Variants in CRADD observed in about 807,000 individuals in gnomAD.
The protein encoded by CRADD is death domain-containing protein CRADD.
CRADD carries 9 observed loss-of-function variants against 15.5 expected under a neutral mutation model. The observed-to-expected ratio is 0.58, with a 90% CI of 0.35 to 1.01. The LOEUF is 1.01. Ranked by LOEUF, CRADD falls within the 50% of genes least tolerant of loss-of-function variation. The probability of loss-of-function intolerance (pLI) is 0.02; values close to 1 mark genes in which losing one functional copy is unlikely to be tolerated. For synonymous variants in CRADD, 118 were observed against 107.6 expected (o/e 1.10, Z -0.60); for missense variants, 227 against 250.3 (o/e 0.91, Z 0.63).
chr12:93,810,961 A>T (rs556519605), intron 2 of CRADD, among the ~76,000 whole-genome samples: 7 of 152,230 alleles, frequency 4.6e-5, no homozygotes, highest in Non-Finnish European at 1.0e-4. Context: ...TTTGCAAGTG[A>T]CTAAGTCCCT....
chr12:93,772,831 G>A (rs928620116), intron 2 of CRADD, among the ~76,000 whole-genome samples: 1 of 152,144 alleles, frequency 6.6e-6, no homozygotes, highest in African/African-American at 2.4e-5. Context: ...TGCTGATCGT[G>A]CCCTGCACTG....
intron 2 of CRADD, among the ~76,000 whole-genome samples, chr12:93,764,220 C>A (rs762893015): frequency 7.1e-6 from 1 of 140,738 alleles, no homozygotes; most frequent in Non-Finnish European, 1.5e-5. Flanking sequence ...ATCACTCTGG[C>A]TGCTCTGTGA....
At position 93,812,869 on chromosome 12, in the gene CRADD, G is replaced by A. The variant is rs139048597; in HGVS notation, c.299-37101G>A. ...AGTTATAATGCTATCGCAATATACC[G>A]CATCTTGAGTTGATTTTGCCATATC... On this transcript the variant is annotated intron_variant, in intron 2 of 2. Coordinates refer to ENST00000332896, the MANE Select transcript of CRADD (RefSeq NM_003805.5). Among the ~76,000 whole-genome samples, 683 of 152,272 alleles carry A rather than the reference G, an allele frequency of 4.5e-3. 6 individuals are homozygous for A. The highest frequency in any genetic ancestry group is 0.015 in the African/African-American group (632 of 41,560).
At chr12:93,829,868 A>G (rs1164684115) in intron 2 of CRADD, among the ~76,000 whole-genome samples, 1 of 151,808 alleles carries the variant, frequency 6.6e-6, no homozygotes, top group Non-Finnish European at 1.5e-5. Flanking sequence ...GATTTTTTGT[A>G]TTTTAGTAGA....
At chr12:93,886,826 A>G (rs1056647514) in intron 2 of CRADD, among the ~76,000 whole-genome samples, 1 of 152,158 alleles carries the variant, frequency 6.6e-6, no homozygotes, top group Non-Finnish European at 1.5e-5. Context: ...ATAGAAAATC[A>G]TTTCAATCTG....
In CRADD at chr12:93,713,880, C is replaced by T. The variant is rs138710646; in HGVS notation, c.298+34808C>T. ...TTCATCTGGCTTTTCCTTTTTAAAACGTGGCTACTAGACAATTTAAAATTA... is the reference window on the plus strand; with the variant it reads ...TTCATCTGGCTTTTCCTTTTTAAAATGTGGCTACTAGACAATTTAAAATTA... On this transcript the variant is annotated intron_variant, in intron 2 of 2. Coordinates refer to ENST00000332896, the MANE Select transcript of CRADD (RefSeq NM_003805.5). Among the ~76,000 whole-genome samples, 843 of 152,060 alleles carry T rather than the reference C, an allele frequency of 5.5e-3. 6 individuals are homozygous for T. Among genetic ancestry groups the T allele is most frequent in the Non-Finnish European group, 7.5e-3 (511 of 67,988 alleles).
At chr12:93,720,565 A>G (rs1213715237) in intron 2 of CRADD, among the ~76,000 whole-genome samples, 1 of 152,160 alleles carries the variant, frequency 6.6e-6, no homozygotes, top group Non-Finnish European at 1.5e-5. Context: ...CAGTTCTATC[A>G]GTTTTACCTC....
intron 2 of CRADD, among the ~76,000 whole-genome samples, chr12:93,770,096 C>CTTTTTTTTT (rs34791279): frequency 7.7e-6 from 1 of 129,990 alleles, no homozygotes. Context: ...CCTATGTTAT[C>CTTTTTTTTT]TTTTTTTTTT....
chr12:93,789,765 A>G (rs1957328028), intron 2 of CRADD, among the ~76,000 whole-genome samples: 1 of 152,120 alleles, frequency 6.6e-6, no homozygotes, highest in African/African-American at 2.4e-5. Context: ...GTATACCTCA[A>G]TAAAGTAGTT....
At chr12:93,772,056 G>A (rs1957090422) in intron 2 of CRADD, among the ~76,000 whole-genome samples, 1 of 152,146 alleles carries the variant, frequency 6.6e-6, no homozygotes, top group East Asian at 1.9e-4. Flanking sequence ...AAAATATTCA[G>A]CCTAATGGCC....
At chr12:93,810,157 A>G (rs946244308) in intron 2 of CRADD, among the ~76,000 whole-genome samples, 10 of 152,216 alleles carry the variant, frequency 6.6e-5, no homozygotes, top group Non-Finnish European at 1.2e-4. Flanking sequence ...CTCTTGAAGT[A>G]GGACATTCTG....
intron 2 of CRADD, among the ~76,000 whole-genome samples, chr12:93,772,771 A>C (rs184205030): frequency 6.6e-6 from 1 of 152,322 alleles, no homozygotes; most frequent in East Asian, 1.9e-4. Flanking sequence ...TGGACTGGAC[A>C]GCAAAGCCTG....
At chr12:93,833,098 C>A (rs1196806627) in intron 2 of CRADD, among the ~76,000 whole-genome samples, 1 of 152,182 alleles carries the variant, frequency 6.6e-6, no homozygotes, top group Admixed American at 6.5e-5. Flanking sequence ...TGTGGCAAAA[C>A]TTCTCATGAC....
In CRADD at chr12:93,777,133, G is replaced by A. The variant is rs370069018; in HGVS notation, c.299-72837G>A. Among the ~76,000 whole-genome samples, 12 of 152,316 alleles carry A rather than the reference G, an allele frequency of 7.9e-5. No homozygotes were observed. The East Asian group carries it at 1.3e-3, about 17-fold the overall frequency. On this transcript the variant is annotated intron_variant, in intron 2 of 2. Coordinates refer to ENST00000332896, the MANE Select transcript of CRADD (RefSeq NM_003805.5). ...ATATGGTCATTCTCACGGGCCTGTG[G>A]GTTGGGCAGGAAGACAGTGCCATAG...
At chr12:93,881,449 G>A (rs1298314782) in intron 2 of CRADD, among the ~76,000 whole-genome samples, 1 of 126,654 alleles carries the variant, frequency 7.9e-6, no homozygotes, top group South Asian at 3.0e-4. Context: ...TGGGGGGGGG[G>A]TGGGGATCAA....
downstream of CRADD, among the ~76,000 whole-genome samples, chr12:93,852,810 T>C (rs1324940926): frequency 6.7e-6 from 1 of 150,236 alleles, no homozygotes; most frequent in Non-Finnish European, 1.5e-5. Context: ...GAATATATAG[T>C]CTTGCACCAC....
chr12:93,730,905 G>A (rs1266425235), intron 2 of CRADD, among the ~76,000 whole-genome samples: 1 of 151,772 alleles, frequency 6.6e-6, no homozygotes, highest in African/African-American at 2.4e-5. Context: ...TAGTAGAGAC[G>A]GGGTTTCACC....
chr12:93,786,897 A>G (rs947283018), intron 2 of CRADD, among the ~76,000 whole-genome samples: 1 of 152,228 alleles, frequency 6.6e-6, no homozygotes, highest in Admixed American at 6.5e-5. Flanking sequence ...CCTACTATGT[A>G]CTAGGCACTA....
At chr12:93,694,747 T>A (rs1955659825) in intron 2 of CRADD, among the ~76,000 whole-genome samples, 1 of 152,224 alleles carries the variant, frequency 6.6e-6, no homozygotes, top group East Asian at 1.9e-4. Context: ...TTAGGAATAC[T>A]TAACCAAGGA....
Sources: gnomAD v4.1 joint callset for allele counts (sites outside exome capture counted in the v4.1 genomes callset) on GRCh38, gnomAD v4.1.1 for gene constraint, MANE v1.5 for transcripts, NCBI Gene and HGNC (gene_info 2026-07-23, HGNC 2026-07-21) for gene names.